Variants in AOAH observed in about 807,000 individuals in gnomAD.
AOAH encodes the protein acyloxyacyl hydrolase (neutrophil).
In AOAH, 64 loss-of-function variants were observed where a neutral mutation model predicts 92.2. The ratio of observed to expected loss-of-function variants is 0.69; its 90% confidence interval spans 0.57 to 0.86. The LOEUF (loss-of-function observed/expected upper bound fraction) is 0.86. Among genes scored for constraint, AOAH ranks in the 40% least tolerant of loss-of-function variants. AOAH has a pLI of 0.00. For synonymous variants in AOAH, 263 were observed against 254.5 expected, an observed-to-expected ratio of 1.03 and a Z score of -0.32; for missense variants, 656 against 694.6, an observed-to-expected ratio of 0.94 and a Z score of 0.62.
At position 36,540,476 on chromosome 7, in the gene AOAH, G is replaced by C. The variant is rs762564395; in HGVS notation, c.1149C>G (p.Val383=). The change falls in exon 16 of 21, where the codon GTC becomes GTG. Residue 383 remains valine (V), a synonymous_variant. Coordinates refer to ENST00000617537, the MANE Select transcript of AOAH (RefSeq NM_001637.4). ...NDVCSGKSDP[V]PAMTTPEKLY... is the part of the protein sequence containing the mutation. ...GTTTCTCAGGAGTGGTCATGGCTGGGACTGGGTCACTCTTCCTGTTGGTGG... is the reference window on the plus strand; with the variant it reads ...GTTTCTCAGGAGTGGTCATGGCTGGCACTGGGTCACTCTTCCTGTTGGTGG... The C allele has an allele frequency of 4.3e-6, 7 of 1,610,798 alleles. No individual in the cohort carries two copies. The highest frequency in any genetic ancestry group is 5.9e-6 in the Non-Finnish European group (7 of 1,178,442).
chr7:36,561,973 C>T (rs1787304479), intron 13 of AOAH, among the ~76,000 whole-genome samples: 1 of 152,130 alleles, frequency 6.6e-6, no homozygotes, highest in South Asian at 2.1e-4. Flanking sequence ...AAACAGCTAC[C>T]CAAGGAGTGA....
intron 13 of AOAH, among the ~76,000 whole-genome samples, chr7:36,568,267 C>T (rs1467267675): frequency 3.9e-5 from 6 of 152,188 alleles, no homozygotes. Context: ...GAGTCCTTCT[C>T]TTCCTGGTAC....
At chr7:36,559,699 C>T (rs143964387) in intron 13 of AOAH, among the ~76,000 whole-genome samples, 58 of 152,190 alleles carry the variant, frequency 3.8e-4, no homozygotes, top group Non-Finnish European at 6.2e-4. Context: ...TGTCTGTTTA[C>T]TCTGTTGATG....
intron 13 of AOAH, among the ~76,000 whole-genome samples, chr7:36,563,670 C>T (rs1389892920): frequency 1.3e-5 from 2 of 152,018 alleles, no homozygotes; most frequent in African/African-American, 4.8e-5. Context: ...CATACACTGT[C>T]CTAAAATACA....
intron 1 of AOAH, among the ~76,000 whole-genome samples, chr7:36,714,655 A>T (rs1799006670): frequency 6.6e-6 from 1 of 152,242 alleles, no homozygotes; most frequent in South Asian, 2.1e-4. Context: ...CATCCCTGGG[A>T]TGCAAGGCTG....
At chr7:36,692,874 A>C (rs1053105532) in intron 1 of AOAH, among the ~76,000 whole-genome samples, 3 of 152,200 alleles carry the variant, frequency 2.0e-5, no homozygotes, top group African/African-American at 7.2e-5. Flanking sequence ...TGCTTTGGGG[A>C]CACACTGGTG....
At chr7:36,690,010 A>G (rs1426132722) in intron 1 of AOAH, 9 of 309,870 alleles carry the variant, frequency 2.9e-5, no homozygotes, top group Non-Finnish European at 3.8e-5. Flanking sequence ...CAACTCCATC[A>G]TTAGCATTTG....
intron 1 of AOAH, among the ~76,000 whole-genome samples, chr7:36,718,538 G>A (rs540429991): frequency 3.2e-4 from 49 of 152,224 alleles, no homozygotes; most frequent in African/African-American, 1.1e-3. Context: ...TAATTACCAA[G>A]AAGTGAAAAC....
At chr7:36,517,172 T>TTCTC (rs756572469) in intron 20 of AOAH, among the ~76,000 whole-genome samples, 54,135 of 116,402 alleles carry the variant, frequency 0.47, 13,276 homozygotes, top group East Asian at 0.56. Flanking sequence ...CTTTCTTTCT[T>TTCTC]TCTTTCTTTC....
Position 36,686,699 on chromosome 7 carries a change from C to T in AOAH, c.223G>A (p.Glu75Lys). 6.6e-7 allele frequency: 1 copy of T among 1,521,496 alleles called. No homozygotes were observed. Among genetic ancestry groups the T allele is most frequent in the Non-Finnish European group, 8.8e-7 (1 of 1,132,634 alleles). 94.2% of individuals were successfully genotyped at this position (1,521,496 alleles called of 1,614,324 possible). A position where few individuals can be genotyped will look rare whatever the true frequency, so the allele number is the denominator to read the frequency against. Residue 75 changes from glutamate to lysine, a missense_variant and splice_region_variant, in exon 2 of 21, where the codon GAA becomes AAA. Coordinates refer to ENST00000617537, the MANE Select transcript of AOAH (RefSeq NM_001637.4). Reference sequence around the variant, plus strand: ...GCAGTATGACTCGTCCCATATTTACCAGGCAGGTAGCTGCACAGTCTCTCC... The same window carrying T: ...GCAGTATGACTCGTCCCATATTTACTAGGCAGGTAGCTGCACAGTCTCTCC... ...SMERLCSYLP[E>K]KLFLKTTCYL...
intron 10 of AOAH, among the ~76,000 whole-genome samples, chr7:36,618,065 A>G (rs186028052): frequency 1.1e-3 from 166 of 152,338 alleles, no homozygotes; most frequent in African/African-American, 3.8e-3. Context: ...AAAAGAGTCA[A>G]TTAAACAAAT....
At chr7:36,639,603 TG>T in intron 4 of AOAH, among the ~76,000 whole-genome samples, 1 of 152,350 alleles carries the variant, frequency 6.6e-6, no homozygotes, top group East Asian at 1.9e-4. Context: ...ATAATAATGA[TG>T]GGTGATAACT....
At chr7:36,616,236 G>A in intron 11 of AOAH, 144 bp downstream of exon 11, 1 of 674,994 alleles carries the variant, frequency 1.5e-6, no homozygotes, top group Admixed American at 2.3e-5. Flanking sequence ...GGACTGAAAT[G>A]ACTGTGGATA....
intron 19 of AOAH, among the ~76,000 whole-genome samples, chr7:36,522,405 T>C (rs1170956425): frequency 6.6e-6 from 1 of 152,256 alleles, no homozygotes; most frequent in Non-Finnish European, 1.5e-5. Flanking sequence ...AGTCAACATC[T>C]ATTTCAGTAC....
intron 2 of AOAH, 140 bp downstream of exon 2, chr7:36,686,559 C>T (rs985227510): frequency 4.4e-6 from 2 of 452,882 alleles, no homozygotes; most frequent in Non-Finnish European, 7.5e-6. Flanking sequence ...TTTCTATAAG[C>T]CCCACAAGAA....
intron 16 of AOAH, among the ~76,000 whole-genome samples, chr7:36,535,762 A>G (rs56094225): frequency 0.97 from 148,391 of 152,276 alleles, 72,429 homozygotes; most frequent in East Asian, 1. Flanking sequence ...ACACAGATGC[A>G]TCTTATGTCA....
chr7:36,693,533 A>AT (rs896848624), intron 1 of AOAH, among the ~76,000 whole-genome samples: 2 of 30,086 alleles, frequency 6.6e-5, no homozygotes, highest in African/African-American at 1.9e-4. Context: ...AGTTGAAATT[A>AT]TTTTTTTGAT....
intron 16 of AOAH, among the ~76,000 whole-genome samples, chr7:36,536,821 C>T (rs1444900727): frequency 1.3e-5 from 2 of 151,632 alleles, no homozygotes; most frequent in African/African-American, 2.4e-5. Context: ...TGTTAGCAGG[C>T]GCCTGTAATC....
At chr7:36,677,401 C>T (rs945389992) in intron 2 of AOAH, among the ~76,000 whole-genome samples, 1 of 152,138 alleles carries the variant, frequency 6.6e-6, no homozygotes, top group Non-Finnish European at 1.5e-5. Context: ...AACTTCATGT[C>T]CACTATAATG....
Sources: allele counts gnomAD v4.1 joint callset (sites outside exome capture counted in the v4.1 genomes callset), GRCh38; gene constraint gnomAD v4.1.1; transcripts MANE v1.5; gene names NCBI Gene and HGNC (gene_info 2026-07-23, HGNC 2026-07-21).